Variants in DPYSL3 observed in about 807,000 individuals in gnomAD.
The protein encoded by DPYSL3 is dihydropyrimidinase like 3.
DPYSL3 carries 16 observed loss-of-function variants against 66.1 expected under a neutral mutation model. The ratio of observed to expected loss-of-function variants is 0.24; its 90% CI spans 0.16 to 0.37. The LOEUF is 0.37. Among genes scored for constraint, DPYSL3 ranks in the 10% least tolerant of loss-of-function variants. DPYSL3 has a pLI of 1.00. For synonymous variants in DPYSL3, 338 were observed against 345.1 expected, an observed-to-expected ratio of 0.98 and a Z score of 0.23; for missense variants, 738 against 916.2, an observed-to-expected ratio of 0.81 and a Z score of 2.51.
intron 2 of DPYSL3, among the ~76,000 whole-genome samples, chr5:147,421,878 A>G (rs899784705): frequency 2.0e-4 from 31 of 152,236 alleles, no homozygotes; most frequent in African/African-American, 7.5e-4. Context: ...TTAAAGACTT[A>G]AATGTAAGAC....
intron 1 of DPYSL3, among the ~76,000 whole-genome samples, chr5:147,432,833 T>C (rs1313550238): frequency 1.3e-5 from 2 of 152,226 alleles, no homozygotes; most frequent in African/African-American, 2.4e-5. Flanking sequence ...TCTAAACTAG[T>C]ATTACTTGCC....
rs1474309300 is a variant in DPYSL3 at position 147,397,685 on chromosome 5, C to T, written c.1784G>A (p.Arg595His). 3.7e-6 allele frequency: 6 copies of T among 1,613,868 alleles called. No individual in the cohort carries two copies. The highest frequency in any genetic ancestry group is 2.2e-5 in the East Asian group (1 of 44,850). Residue 595 changes from arginine (R) to histidine (H), a missense_variant, in exon 12 of 14, where the codon CGC becomes CAC. Transcript: ENST00000343218. The stretch of plus-strand genomic sequence containing the variant: ...TTTTACCTTCCTCCGTGCTTTAATG[C>T]GCTTGTAGACATAGTCGGAGAACGG... ...CSPFSDYVYK[R>H]IKARRKMADL...
intron 1 of DPYSL3, among the ~76,000 whole-genome samples, chr5:147,474,748 C>T (rs1753133214): frequency 6.6e-6 from 1 of 152,016 alleles, no homozygotes; most frequent in African/African-American, 2.4e-5. Flanking sequence ...ATTAGATCAT[C>T]TCATGTAATA....
At chr5:147,424,787 A>G (rs1752164525) in intron 2 of DPYSL3, 88 bp downstream of exon 2, 1 of 1,026,434 alleles carries the variant, frequency 9.7e-7, no homozygotes, top group Non-Finnish European at 1.4e-6. Flanking sequence ...GATTTTTTTC[A>G]CTACATTCAT....
chr5:147,471,501 G>C (rs1216898963), intron 1 of DPYSL3, among the ~76,000 whole-genome samples: 2 of 151,990 alleles, frequency 1.3e-5, no homozygotes, highest in Non-Finnish European at 2.9e-5. Flanking sequence ...ATTTTCTCTT[G>C]GTCCCAATTT....
At chr5:147,462,418 G>A (rs1221823289) in intron 1 of DPYSL3, among the ~76,000 whole-genome samples, 4 of 152,094 alleles carry the variant, frequency 2.6e-5, no homozygotes, top group Non-Finnish European at 4.4e-5. Context: ...AGATGAGCAA[G>A]AAATGACAAG....
intron 2 of DPYSL3, among the ~76,000 whole-genome samples, chr5:147,424,582 T>C (rs568009678): frequency 3.9e-5 from 6 of 152,328 alleles, no homozygotes; most frequent in East Asian, 1.9e-4. Flanking sequence ...AAATCACTTA[T>C]CCCGACTTCA....
intron 1 of DPYSL3, among the ~76,000 whole-genome samples, chr5:147,440,195 C>T (rs762844444): frequency 4.5e-4 from 68 of 152,096 alleles, no homozygotes; most frequent in Non-Finnish European, 8.4e-4. Context: ...CCCAGCTACT[C>T]GGGAGGCTGA....
In DPYSL3 at chr5:147,391,829, G is replaced by A. The variant is rs577220223; in HGVS notation, c.*2206C>T. 2 of 152,306 alleles carry A rather than the reference G, an allele frequency of 1.3e-5. No individual in the cohort carries two copies. The highest frequency in any genetic ancestry group is 3.9e-4 in the East Asian group (2 of 5,172). The allele number at this position is 152,306 out of a possible 1,614,324, so 9.4% of individuals were successfully genotyped here. ...ATTTGGGGGTTGTTCCCAGAGCAAG[G>A]AAATCTTGTGCAGAATCAAAGGTTC... On this transcript the variant is annotated 3_prime_UTR_variant, in exon 14 of 14. Transcript: ENST00000343218.
At chr5:147,399,283 C>A in intron 10 of DPYSL3, 31 bp from the exon 11 acceptor site, 1 of 1,605,014 alleles carries the variant, frequency 6.2e-7, no homozygotes, top group South Asian at 1.1e-5. Context: ...ATATCTATAT[C>A]TATAGCTACA....
intron 8 of DPYSL3, among the ~76,000 whole-genome samples, chr5:147,402,854 A>T (rs1220133460): frequency 6.6e-6 from 1 of 152,158 alleles, no homozygotes; most frequent in Non-Finnish European, 1.5e-5. Flanking sequence ...AAGAAGAAGG[A>T]ATAGTGATAT....
At position 147,392,905 on chromosome 5, in the gene DPYSL3, A is replaced by G. The variant is rs1757855450; in HGVS notation, c.*1130T>C. 2 of 152,374 alleles carry G rather than the reference A, an allele frequency of 1.3e-5. No homozygotes were observed. Among genetic ancestry groups the G allele is most frequent in the African/African-American group, 2.4e-5 (1 of 41,584 alleles). 9.4% of individuals were successfully genotyped at this position (152,374 alleles called of 1,614,324 possible). On this transcript the variant is annotated 3_prime_UTR_variant, in exon 14 of 14. Transcript: ENST00000343218. ...TCCCAGTTCCCCACTTGACTTTCAT[A>G]TAAGCTGAGATGACCTATTACGGTA...
chr5:147,391,942 T>A lies in DPYSL3; in HGVS notation c.*2093A>T, dbSNP rs925149454. The A allele has an allele frequency of 6.6e-6, 1 of 152,080 alleles. No individual in the cohort carries two copies. The highest frequency in any genetic ancestry group is 2.4e-5 in the African/African-American group (1 of 41,398). 9.4% of individuals were successfully genotyped at this position (152,080 alleles called of 1,614,324 possible). On this transcript the variant is annotated 3_prime_UTR_variant, in exon 14 of 14. Coordinates refer to ENST00000343218, the MANE Select transcript of DPYSL3 (RefSeq NM_001197294.2). The stretch of plus-strand genomic sequence containing the variant: ...GACTTATCTTCATGGCACAGAGAGG[T>A]TGTGCAGAGATGAGTCAGACTCAGG...
intron 1 of DPYSL3, among the ~76,000 whole-genome samples, chr5:147,476,539 G>A (rs999473954): frequency 3.3e-5 from 5 of 152,284 alleles, no homozygotes; most frequent in East Asian, 1.9e-4. Context: ...GAGTTTTAAC[G>A]CTTCAAAGAG....
chr5:147,405,568 C>T (rs1307777960), intron 8 of DPYSL3, 42 bp downstream of exon 8: 3 of 1,587,188 alleles, frequency 1.9e-6, no homozygotes, highest in African/African-American at 1.3e-5. Flanking sequence ...AGGAGCCACA[C>T]AGTGCCATCA....
At chr5:147,409,048 C>T (rs1438132141) in intron 6 of DPYSL3, among the ~76,000 whole-genome samples, 1 of 152,304 alleles carries the variant, frequency 6.6e-6, no homozygotes, top group Non-Finnish European at 1.5e-5. Flanking sequence ...CTATACTGCC[C>T]TTCAAGAATC....
At chr5:147,408,908 A>C in intron 6 of DPYSL3, 112 bp from the exon 7 acceptor site, 1 of 1,033,454 alleles carries the variant, frequency 9.7e-7, no homozygotes. Flanking sequence ...TATGTTGAAC[A>C]GATGTATTAA....
chr5:147,410,966 A>T (rs923381300), intron 6 of DPYSL3, among the ~76,000 whole-genome samples: 1 of 152,172 alleles, frequency 6.6e-6, no homozygotes, highest in Non-Finnish European at 1.5e-5. Flanking sequence ...CACTCTAAGG[A>T]TTCACAAGAG....
chr5:147,414,838 C>T (rs1033401589), intron 4 of DPYSL3, among the ~76,000 whole-genome samples: 3 of 152,116 alleles, frequency 2.0e-5, no homozygotes, highest in African/African-American at 7.2e-5. Flanking sequence ...CCAGTGGACT[C>T]CTAGCATTTG....
Sources: allele counts gnomAD v4.1 joint callset (sites outside exome capture counted in the v4.1 genomes callset), GRCh38; gene constraint gnomAD v4.1.1; transcripts MANE v1.5; gene names NCBI Gene and HGNC (gene_info 2026-07-23, HGNC 2026-07-21).